Variants in FRMD4B observed in about 807,000 individuals in gnomAD.
FRMD4B encodes the protein FERM domain-containing protein 4B.
A neutral mutation model predicts 141.5 loss-of-function variants in FRMD4B; 74 were observed. The observed-to-expected ratio is 0.52, with a 90% CI of 0.43 to 0.63. The LOEUF (loss-of-function observed/expected upper bound fraction) is 0.63. Among genes scored for constraint, FRMD4B ranks in the 30% least tolerant of loss-of-function variants. The probability of loss-of-function intolerance (pLI) is 0.00; values close to 1 mark genes in which losing one functional copy is unlikely to be tolerated. For synonymous variants in FRMD4B, 506 were observed against 467.9 expected (o/e 1.08, Z -1.05); for missense variants, 1,366 against 1,253.4 (o/e 1.09, Z -1.36).
In FRMD4B at chr3:69,368,344, G is replaced by A. The variant is rs73835808; in HGVS notation, c.162+17484C>T. Among the ~76,000 whole-genome samples, 994 of 152,248 alleles carry A rather than the reference G, an allele frequency of 6.5e-3. 14 individuals carry two copies. Among genetic ancestry groups the A allele is most frequent in the African/African-American group, 0.023 (971 of 41,550 alleles). On this transcript the variant is annotated intron_variant, in intron 1 of 22. Transcript: ENST00000398540. ...ACAGGATATGTGCAAATCACACAAA[G>A]GAAACAGATAAAGCTGTTCATCCCA...
At position 69,497,626 on chromosome 3, in the gene FRMD4B, C is replaced by T. The variant is rs570329572; in HGVS notation, c.-129+44580G>A. On this transcript the variant is annotated intron_variant, in intron 1 of 5. Coordinates refer to the FRMD4B transcript ENST00000459638. ...CTTCCCCATGGGATTTTTGTGTATA[C>T]AGAGTGAAACACAGTGCAGGGGACA... 3.3e-5 allele frequency among the ~76,000 whole-genome samples: 5 copies of T among 152,184 alleles called. No homozygotes were observed. The South Asian group carries it at 1.0e-3, about 32-fold the overall frequency.
intron 1 of FRMD4B, among the ~76,000 whole-genome samples, chr3:69,496,393 C>T (rs1051740807): frequency 2.6e-5 from 4 of 152,074 alleles, no homozygotes; most frequent in South Asian, 2.1e-4. Context: ...AAACACTGAA[C>T]CCTCTGGCCA....
intron 11 of FRMD4B, 123 bp from the exon 12 acceptor site, chr3:69,198,897 T>C: frequency 1.6e-6 from 1 of 636,998 alleles, no homozygotes. Context: ...GAAACATGAA[T>C]ATGTGATTCA....
chr3:69,453,135 C>G (rs1705526380), intron 1 of FRMD4B, among the ~76,000 whole-genome samples: 1 of 152,142 alleles, frequency 6.6e-6, no homozygotes, highest in South Asian at 2.1e-4. Flanking sequence ...ATTGAAGACA[C>G]AGGCAGTCAG....
chr3:69,431,516 G>A (rs140247240), intron 2 of FRMD4B, among the ~76,000 whole-genome samples: 1 of 152,288 alleles, frequency 6.6e-6, no homozygotes, highest in East Asian at 1.9e-4. Context: ...TTTACTCAAT[G>A]ATAAAATCAA....
At chr3:69,369,560 C>CA (rs1326957742) in intron 1 of FRMD4B, among the ~76,000 whole-genome samples, 1 of 152,008 alleles carries the variant, frequency 6.6e-6, no homozygotes, top group African/African-American at 2.4e-5. Context: ...TTTTGAAACT[C>CA]AGAGTTGGTT....
At chr3:69,216,205 T>C (rs933720484) in intron 11 of FRMD4B, 58 bp downstream of exon 11, 27 of 914,262 alleles carry the variant, frequency 3.0e-5, no homozygotes, top group Non-Finnish European at 4.0e-5. Flanking sequence ...TTTTCAACTA[T>C]GTTGTGATTA....
chr3:69,178,950 C>T (rs1292923473), intron 21 of FRMD4B, among the ~76,000 whole-genome samples: 2 of 151,598 alleles, frequency 1.3e-5, no homozygotes, highest in Non-Finnish European at 2.9e-5. Context: ...AACTGAGTCA[C>T]CGAGAGATCC....
chr3:69,241,609 A>C (rs967725154), intron 7 of FRMD4B, among the ~76,000 whole-genome samples: 4 of 152,180 alleles, frequency 2.6e-5, no homozygotes, highest in African/African-American at 9.6e-5. Context: ...ACAAAAAAAG[A>C]AACTGGTTGG....
At chr3:69,179,630 G>A (rs1302002301) in intron 21 of FRMD4B, among the ~76,000 whole-genome samples, 1 of 152,122 alleles carries the variant, frequency 6.6e-6, no homozygotes, top group East Asian at 1.9e-4. Context: ...TTTTAAAGGT[G>A]TAGTTTTCAC....
At chr3:69,224,492 A>C (rs919274332) in intron 8 of FRMD4B, 115 bp downstream of exon 8, 5 of 698,818 alleles carry the variant, frequency 7.2e-6, no homozygotes, top group Non-Finnish European at 1.3e-5. Context: ...ACTTTATACA[A>C]TTGATTGGCA....
Position 69,411,241 on chromosome 3 carries a change from A to G in FRMD4B, c.-1+21393T>C, listed in dbSNP as rs1382340188. ...ATGGTATTCTAACTGTAAGTCACCAATTTGCAACTAATGCTGTCCATTCTC... is the reference window on the plus strand; with the variant it reads ...ATGGTATTCTAACTGTAAGTCACCAGTTTGCAACTAATGCTGTCCATTCTC... On this transcript the variant is annotated intron_variant, in intron 2 of 5. Coordinates refer to the FRMD4B transcript ENST00000459638. Among the ~76,000 whole-genome samples the G allele has an allele frequency of 3.9e-5, 6 of 152,286 alleles. No homozygotes were observed. The East Asian group carries it at 5.8e-4, about 15-fold the overall frequency.
intron 5 of FRMD4B, among the ~76,000 whole-genome samples, chr3:69,280,768 T>C (rs530859253): frequency 2.4e-3 from 359 of 150,922 alleles, no homozygotes; most frequent in Non-Finnish European, 4.0e-3. Context: ...CATAGGTACA[T>C]GTCACCAAGC....
chr3:69,271,801 C>A (rs766595755), intron 5 of FRMD4B, among the ~76,000 whole-genome samples: 15 of 151,932 alleles, frequency 9.9e-5, no homozygotes, highest in Non-Finnish European at 2.1e-4. Flanking sequence ...GGTGAAACCC[C>A]ATCTCTACCA....
chr3:69,243,627 C>T (rs1297212051), intron 7 of FRMD4B, among the ~76,000 whole-genome samples: 1 of 152,186 alleles, frequency 6.6e-6, no homozygotes, highest in Non-Finnish European at 1.5e-5. Flanking sequence ...GGAATCAGAA[C>T]AGATCTGAGA....
In FRMD4B at chr3:69,196,316, C is replaced by T. The variant is rs1223546675; in HGVS notation, c.1173G>A (p.Leu391=). The T allele has an allele frequency of 1.6e-5, 26 of 1,606,170 alleles. No homozygotes were observed. The highest frequency in any genetic ancestry group is 2.0e-5 in the Non-Finnish European group (24 of 1,173,984). Residue 391 remains leucine, a synonymous_variant, in exon 14 of 23, where the codon CTG becomes CTA. Coordinates refer to ENST00000398540, the MANE Select transcript of FRMD4B (RefSeq NM_015123.3). The part of the protein sequence containing the change: ...TETGTQRASK[L]VTLETKSQFI... ...ACTGACTTTTCGTCTCCAGTGTCAC[C>T]AGCTTGGAGGCCCTTTGTGTTCCTG...
At chr3:69,532,324 C>T (rs79762789) in intron 1 of FRMD4B, among the ~76,000 whole-genome samples, 1 of 152,268 alleles carries the variant, frequency 6.6e-6, no homozygotes, top group Non-Finnish European at 1.5e-5. Flanking sequence ...TATACTGAAA[C>T]TTTCCACTGA....
intron 2 of FRMD4B, among the ~76,000 whole-genome samples, chr3:69,424,049 A>G (rs1705031198): frequency 6.6e-6 from 1 of 152,234 alleles, no homozygotes; most frequent in Non-Finnish European, 1.5e-5. Context: ...CTTCATTCAA[A>G]CATGAATTAT....
At chr3:69,288,108 C>T (rs1700752327) in intron 4 of FRMD4B, among the ~76,000 whole-genome samples, 1 of 152,192 alleles carries the variant, frequency 6.6e-6, no homozygotes, top group East Asian at 1.9e-4. Context: ...CAAACAAAAA[C>T]AAACGTTTAT....
Sources: gnomAD v4.1 joint callset for allele counts (sites outside exome capture counted in the v4.1 genomes callset) on GRCh38, gnomAD v4.1.1 for gene constraint, MANE v1.5 for transcripts, NCBI Gene and HGNC (gene_info 2026-07-23, HGNC 2026-07-21) for gene names.